IGFL4: variants seen among roughly 807,000 people sequenced by gnomAD.
The protein encoded by IGFL4 is insulin growth factor-like family member 4.
Under a neutral mutation model 15.4 loss-of-function variants are expected in IGFL4, and 12 were observed. That is an observed-to-expected ratio of 0.78 (90% CI 0.50 to 1.26). The LOEUF (loss-of-function observed/expected upper bound fraction) is 1.26. IGFL4 is among the 50% of genes most tolerant of loss of function. The probability of loss-of-function intolerance (pLI) is 0.00; values close to 1 mark genes in which losing one functional copy is unlikely to be tolerated. For synonymous variants in IGFL4, 54 were observed against 55.9 expected (o/e 0.97, Z 0.16); for missense variants, 126 against 147.8 (o/e 0.85, Z 0.76).
At position 46,040,132 on chromosome 19, in the gene IGFL4, G is replaced by C; in HGVS notation, c.330+25C>G. The C allele has an allele frequency of 6.2e-7, 1 of 1,611,776 alleles. No individual in the cohort carries two copies. Among genetic ancestry groups the C allele is most frequent in the Non-Finnish European group, 8.5e-7 (1 of 1,178,918 alleles). On this transcript the variant is annotated intron_variant, in intron 3 of 3. Coordinates refer to ENST00000377697, the MANE Select transcript of IGFL4 (RefSeq NM_001002923.3). The surrounding 1 kb of genome is among the most constrained non-coding windows in gnomAD (Gnocchi z 4.1). ...CCATTCCCTACTCCCCCCTCCCACA[G>C]CCTGGACTGGAGTCAGATCCTTACC...
chr19:46,054,852 A>G (rs953976175), intron 2 of IGFL4, among the ~76,000 whole-genome samples: 1 of 152,208 alleles, frequency 6.6e-6, no homozygotes, highest in Non-Finnish European at 1.5e-5. Context: ...AGATAAAGGA[A>G]GATGGCCTTC....
chr19:46,039,785 C>A lies in IGFL4; in HGVS notation c.*107G>T. The A allele has an allele frequency of 9.7e-7, 1 of 1,031,396 alleles. No homozygotes were observed. The highest frequency in any genetic ancestry group is 1.5e-6 in the Non-Finnish European group (1 of 653,048). The allele number at this position is 1,031,396 out of a possible 1,614,324, so 63.9% of individuals were successfully genotyped here. On this transcript the variant is annotated 3_prime_UTR_variant, in exon 4 of 4. Coordinates refer to ENST00000377697, the MANE Select transcript of IGFL4 (RefSeq NM_001002923.3). ...TGAAGTTGCTTATTTGCACTCCAGC[C>A]TGGGGGACAGAGTGAAACTCTGTCA... is the stretch of plus-strand genomic sequence containing the variant.
chr19:46,064,090 C>T (rs1306424208), intron 1 of IGFL4, among the ~76,000 whole-genome samples: 1 of 151,032 alleles, frequency 6.6e-6, no homozygotes, highest in Non-Finnish European at 1.5e-5. Context: ...AAAAAAATTC[C>T]AACAGCTTTT....
At chr19:46,072,073 G>T (rs1969551651) in intron 1 of IGFL4, among the ~76,000 whole-genome samples, 1 of 152,184 alleles carries the variant, frequency 6.6e-6, no homozygotes, top group African/African-American at 2.4e-5. Context: ...GCCATTAAGG[G>T]CAGTGACTTC....
chr19:46,039,858 A>G lies in IGFL4; in HGVS notation c.*34T>C. 1 of 1,541,638 alleles carries G rather than the reference A, an allele frequency of 6.5e-7. No homozygotes were observed. The highest frequency in any genetic ancestry group is 1.1e-5 in the South Asian group (1 of 89,524). On this transcript the variant is annotated 3_prime_UTR_variant, in exon 4 of 4. Coordinates refer to ENST00000377697, the MANE Select transcript of IGFL4 (RefSeq NM_001002923.3). ...GTATAATTACCAAGTATTAGATTCT[A>G]GAGTGATCTGTGACTCTGCTACCCC...
intron 2 of IGFL4, among the ~76,000 whole-genome samples, chr19:46,054,353 TAA>T (rs1018593246): frequency 6.6e-6 from 1 of 152,206 alleles, no homozygotes; most frequent in African/African-American, 2.4e-5. Flanking sequence ...CAGTATGTAT[TAA>T]AGAGACTGTC....
upstream of IGFL4, among the ~76,000 whole-genome samples, chr19:46,044,108 G>T (rs2146510942): frequency 6.6e-6 from 1 of 152,288 alleles, no homozygotes; most frequent in East Asian, 1.9e-4. Context: ...CCTGCCCCCA[G>T]CCAAGTGAAG....
chr19:46,070,144 G>C (rs1969531741), intron 1 of IGFL4, among the ~76,000 whole-genome samples: 2 of 73,922 alleles, frequency 2.7e-5, no homozygotes, highest in African/African-American at 2.1e-4. Flanking sequence ...AAATCTCTAA[G>C]ATTTTTTTTT....
chr19:46,063,477 T>C (rs77362742), intron 1 of IGFL4, among the ~76,000 whole-genome samples: 488 of 152,116 alleles, frequency 3.2e-3, no homozygotes, highest in African/African-American at 0.01. Flanking sequence ...TTCCCTTTTA[T>C]CAACTCCCAT....
At chr19:46,063,439 C>T (rs1969465642) in intron 1 of IGFL4, among the ~76,000 whole-genome samples, 2 of 152,156 alleles carry the variant, frequency 1.3e-5, no homozygotes, top group African/African-American at 4.8e-5. Context: ...GAAGCATTCA[C>T]TCACTCACTC....
Position 46,040,157 on chromosome 19 carries a change from C to T in IGFL4, c.330G>A (p.Gln110=), listed in dbSNP as rs760339446. 1.2e-6 allele frequency: 2 copies of T among 1,613,602 alleles called. No homozygotes were observed. The highest frequency in any genetic ancestry group is 3.3e-5 in the Admixed American group (2 of 60,018). The change falls in exon 3 of 4, where the codon CAG becomes CAA. Residue 110 remains glutamine, a splice_region_variant and synonymous_variant. Coordinates refer to ENST00000377697, the MANE Select transcript of IGFL4 (RefSeq NM_001002923.3). This position sits in a 1 kb window ranked among gnomAD's most constrained non-coding sequence, Gnocchi z 4.1. The part of the protein sequence containing the change: ...KSSPITRICA[Q]EYHPKSPVSR... ...GCCTGGACTGGAGTCAGATCCTTAC[C>T]TGGGCACAGATCCTGGTGATAGGGG... is the stretch of plus-strand genomic sequence containing the variant.
intron 1 of IGFL4, among the ~76,000 whole-genome samples, chr19:46,070,121 T>C (rs190925907): frequency 6.7e-6 from 1 of 148,946 alleles, no homozygotes; most frequent in East Asian, 1.9e-4. Flanking sequence ...GAAGCTCAAA[T>C]ACGAATTGAA....
intron 1 of IGFL4, among the ~76,000 whole-genome samples, chr19:46,072,866 G>A (rs75477486): frequency 0.067 from 10,252 of 152,138 alleles, 567 homozygotes; most frequent in African/African-American, 0.14. Flanking sequence ...GGTTCAGAGC[G>A]GGGGCTCTGG....
chr19:46,050,148 G>A (rs988328885), intron 2 of IGFL4, among the ~76,000 whole-genome samples: 2 of 152,210 alleles, frequency 1.3e-5, no homozygotes, highest in Non-Finnish European at 2.9e-5. Context: ...ACCCCTCTGG[G>A]ACAAAAGAAT....
At chr19:46,060,269 G>C (rs1397543419) in exon 2 of IGFL4, 2 of 152,158 alleles carry the variant, frequency 1.3e-5, no homozygotes, top group African/African-American at 4.8e-5. Flanking sequence ...GCTGTCAGTA[G>C]CTCAAAAGAA....
chr19:46,065,155 A>G (rs1211862750), intron 1 of IGFL4, among the ~76,000 whole-genome samples: 2 of 151,818 alleles, frequency 1.3e-5, no homozygotes, highest in African/African-American at 4.8e-5. Context: ...TTTTTTTCCT[A>G]TAGAGTTGTT....
At chr19:46,041,043 T>C (rs1369371704), upstream of IGFL4, 1 of 1,328,324 alleles carries the variant, frequency 7.5e-7, no homozygotes, top group Non-Finnish European at 1.0e-6. Flanking sequence ...ATATAGGATA[T>C]GAACTTACCG....
chr19:46,057,237 A>T (rs1017864083), intron 2 of IGFL4, among the ~76,000 whole-genome samples: 1 of 152,100 alleles, frequency 6.6e-6, no homozygotes, highest in African/African-American at 2.4e-5. Flanking sequence ...CTTGTGGGGC[A>T]GGGAGGTAGT....
chr19:46,042,968 T>A (rs1969261048), upstream of IGFL4, among the ~76,000 whole-genome samples: 5 of 152,160 alleles, frequency 3.3e-5, no homozygotes, highest in South Asian at 1.0e-3. Context: ...ATGACATACA[T>A]CAGCTACAGT....
Sources: gnomAD v4.1 joint callset for allele counts (sites outside exome capture counted in the v4.1 genomes callset) on GRCh38, gnomAD v4.1.1 for gene constraint, Gnocchi (gnomAD v3.1) non-coding constraint, MANE v1.5 for transcripts, NCBI Gene and HGNC (gene_info 2026-07-23, HGNC 2026-07-21) for gene names.